SGCD: variants seen among roughly 807,000 people sequenced by gnomAD.
SGCD encodes the protein delta-sarcoglycan.
In SGCD, 18 loss-of-function variants were observed where a neutral mutation model predicts 36.6. The ratio of observed to expected loss-of-function variants is 0.49; its 90% confidence interval spans 0.34 to 0.73. The LOEUF is 0.73. Among genes scored for constraint, SGCD ranks in the 30% least tolerant of loss-of-function variants. The pLI is 0.01. For synonymous variants in SGCD, 133 were observed against 130.6 expected (o/e 1.02, Z -0.12); for missense variants, 387 against 346.7 (o/e 1.12, Z -0.92).
chr5:156,766,934 T>C lies in SGCD; in HGVS notation c.*7544T>C, dbSNP rs1757601614. ...CTGGCAGGATTGTGGATAGAGCTCCTCACCATACCCAAAAGACTCAGCCCC... is the reference window on the plus strand; with the variant it reads ...CTGGCAGGATTGTGGATAGAGCTCCCCACCATACCCAAAAGACTCAGCCCC... On this transcript the variant is annotated 3_prime_UTR_variant, in exon 9 of 9. Transcript: ENST00000337851. 6.6e-6 allele frequency: 1 copy of C among 152,044 alleles called. No homozygotes were observed. Among genetic ancestry groups the C allele is most frequent in the Non-Finnish European group, 1.5e-5 (1 of 68,020 alleles). The allele number at this position is 152,044 out of a possible 1,614,324, so 9.4% of individuals were successfully genotyped here. A position where few individuals can be genotyped will look rare whatever the true frequency, so the allele number is the denominator to read the frequency against.
the SGCD span, among the ~76,000 whole-genome samples, chr5:155,770,192 T>C: frequency 6.6e-6 from 1 of 151,918 alleles, no homozygotes; most frequent in Non-Finnish European, 1.5e-5. Context: ...GGCAAGCAAA[T>C]CATATTTTAC....
At chr5:156,042,086 G>T (rs1289733413) in intron 1 of SGCD, among the ~76,000 whole-genome samples, 2 of 152,106 alleles carry the variant, frequency 1.3e-5, no homozygotes, top group African/African-American at 4.8e-5. Flanking sequence ...TGATTCTAAT[G>T]TGTTCCGTTC....
intron 3 of SGCD, among the ~76,000 whole-genome samples, chr5:156,423,158 A>AATATAATTAATTATATAATAT (rs1561685111): frequency 6.1e-4 from 14 of 23,108 alleles, no homozygotes; most frequent in East Asian, 3.0e-3. Flanking sequence ...TTAATTATTT[A>AATATAATTAATTATATAATAT]AATATTATAT....
intron 3 of SGCD, among the ~76,000 whole-genome samples, chr5:156,183,036 T>C (rs1835920): frequency 0.25 from 38,062 of 151,902 alleles, 5,175 homozygotes; most frequent in East Asian, 0.57. Context: ...TCCTAGCACA[T>C]TGGGAGGCCG....
chr5:156,435,946 A>G (rs376296766), intron 3 of SGCD, among the ~76,000 whole-genome samples: 1 of 152,106 alleles, frequency 6.6e-6, no homozygotes, highest in African/African-American at 2.4e-5. Context: ...AATTCTATTC[A>G]TCTTTCAGCA....
the SGCD span, among the ~76,000 whole-genome samples, chr5:155,831,317 C>T: frequency 6.6e-6 from 1 of 152,178 alleles, no homozygotes; most frequent in Non-Finnish European, 1.5e-5. Flanking sequence ...TTCTCCGTGC[C>T]TCCGTCTCCT....
intron 5 of SGCD, among the ~76,000 whole-genome samples, chr5:156,593,072 T>C (rs1226734561): frequency 6.6e-6 from 1 of 152,164 alleles, no homozygotes; most frequent in African/African-American, 2.4e-5. Context: ...TGTCATTTGA[T>C]TCTTTCAAAC....
At chr5:156,428,445 C>T (rs1164551876) in intron 3 of SGCD, among the ~76,000 whole-genome samples, 1 of 151,914 alleles carries the variant, frequency 6.6e-6, no homozygotes, top group Non-Finnish European at 1.5e-5. Flanking sequence ...TTTAGTTAAT[C>T]TCTTTAATGC....
chr5:156,028,836 T>C (rs939427084), intron 1 of SGCD, among the ~76,000 whole-genome samples: 1 of 152,166 alleles, frequency 6.6e-6, no homozygotes, highest in Non-Finnish European at 1.5e-5. Flanking sequence ...CATGATGTCG[T>C]CTGAACCTAC....
chr5:156,442,405 C>T (rs538947256), intron 3 of SGCD, among the ~76,000 whole-genome samples: 39 of 152,286 alleles, frequency 2.6e-4, no homozygotes, highest in Non-Finnish European at 4.6e-4. Flanking sequence ...TAAGTCCCCA[C>T]GTCTCTGGAA....
rs1053898659 is a variant in SGCD at position 156,060,679 on chromosome 5, T to C, written c.-281-57199T>C. 4.8e-5 allele frequency among the ~76,000 whole-genome samples: 7 copies of C among 145,890 alleles called. No homozygotes were observed. In the East Asian group the frequency reaches 1.3e-3, roughly 28 times the overall value. ...AGATGTTTGGAGGTGGGAGGCCCTA[T>C]GAAGAATTTGGGTGGATTCAAGTTT... On this transcript the variant is annotated intron_variant, in intron 1 of 9. Transcript: ENST00000517913.
chr5:156,146,119 A>G (rs1322786759), intron 3 of SGCD, among the ~76,000 whole-genome samples: 1 of 152,180 alleles, frequency 6.6e-6, no homozygotes. Flanking sequence ...AGGCTGAGAC[A>G]GGAGAATGGT....
intron 1 of SGCD, among the ~76,000 whole-genome samples, chr5:155,963,231 C>T (rs565791072): frequency 6.6e-6 from 1 of 152,148 alleles, no homozygotes; most frequent in East Asian, 1.9e-4. Context: ...GCTTTCTTAA[C>T]TTGAATTGAG....
At chr5:155,864,863 A>G in the SGCD span, among the ~76,000 whole-genome samples, 1 of 152,238 alleles carries the variant, frequency 6.6e-6, no homozygotes, top group Non-Finnish European at 1.5e-5. Flanking sequence ...CCCATCTTTT[A>G]GTACAGATTA....
chr5:156,765,051 A>C lies in SGCD; in HGVS notation c.*5661A>C, dbSNP rs1288755201. 6.6e-6 allele frequency: 1 copy of C among 152,242 alleles called. No homozygotes were observed. The highest frequency in any genetic ancestry group is 1.5e-5 in the Non-Finnish European group (1 of 68,044). The allele number at this position is 152,242 out of a possible 1,614,324, so 9.4% of individuals were successfully genotyped here. A position where few individuals can be genotyped will look rare whatever the true frequency, so the allele number is the denominator to read the frequency against. On this transcript the variant is annotated 3_prime_UTR_variant, in exon 9 of 9. Coordinates refer to ENST00000337851, the MANE Select transcript of SGCD (RefSeq NM_000337.6). Reference sequence around the variant, plus strand: ...TGAGTGAATTTGGCTTCATCACTGAACATTAGCTAAGGTCAGCTTAATAAC... The same window carrying C: ...TGAGTGAATTTGGCTTCATCACTGACCATTAGCTAAGGTCAGCTTAATAAC...
intron 8 of SGCD, chr5:156,758,017 A>G: frequency 8.6e-7 from 1 of 1,165,840 alleles, no homozygotes; most frequent in African/African-American, 1.6e-5. Context: ...GTTAGCCAAC[A>G]TAATTAAGCT....
intron 7 of SGCD, among the ~76,000 whole-genome samples, chr5:156,707,414 A>G (rs1019932515): frequency 1.4e-4 from 22 of 152,276 alleles, no homozygotes; most frequent in African/African-American, 5.1e-4. Flanking sequence ...AATTTTACAC[A>G]TTTTAATGCA....
intron 3 of SGCD, among the ~76,000 whole-genome samples, chr5:156,413,935 A>G (rs1356987529): frequency 6.6e-6 from 1 of 152,180 alleles, no homozygotes; most frequent in Non-Finnish European, 1.5e-5. Context: ...TGGAGATGAA[A>G]GTCATACGAG....
chr5:156,321,229 C>G (rs1183071540), intron 3 of SGCD, among the ~76,000 whole-genome samples: 1 of 152,084 alleles, frequency 6.6e-6, no homozygotes, highest in Non-Finnish European at 1.5e-5. Context: ...ACCATCCTGG[C>G]TAACATGGTG....
Sources: gnomAD v4.1 joint callset for allele counts (sites outside exome capture counted in the v4.1 genomes callset) on GRCh38, gnomAD v4.1.1 for gene constraint, MANE v1.5 for transcripts, NCBI Gene and HGNC (gene_info 2026-07-23, HGNC 2026-07-21) for gene names.